The following TGFBR2 variants were observed in gnomAD, a reference collection of about 807,000 sequenced individuals.
TGFBR2 encodes TGF-beta receptor type-2.
In TGFBR2, 18 loss-of-function variants were observed where a neutral mutation model predicts 49.0. The ratio of observed to expected loss-of-function variants is 0.37; its 90% CI spans 0.25 to 0.54. The LOEUF is 0.54. TGFBR2 is among the 20% of genes least tolerant of loss of function. TGFBR2 has a pLI of 0.85. For synonymous variants in TGFBR2, 282 were observed against 275.9 expected (o/e 1.02, Z -0.22); for missense variants, 525 against 722.6 (o/e 0.73, Z 3.13).
intron 1 of TGFBR2, chr3:30,626,739 A>G (rs1039151625): frequency 6.6e-6 from 1 of 152,338 alleles, no homozygotes; most frequent in African/African-American, 2.4e-5. Flanking sequence ...CATCACGTAA[A>G]CCTCACAGCC....
chr3:30,614,999 A>G (rs764985085), intron 1 of TGFBR2, among the ~76,000 whole-genome samples: 6 of 152,230 alleles, frequency 3.9e-5, no homozygotes, highest in Admixed American at 3.3e-4. Context: ...TTAGTGTAAT[A>G]AAATAACACT....
intron 5 of TGFBR2, among the ~76,000 whole-genome samples, chr3:30,675,822 A>T (rs1031474426): frequency 6.6e-6 from 1 of 152,238 alleles, no homozygotes. Flanking sequence ...TATGGCTATC[A>T]AAAACAGCAA....
chr3:30,672,089 G>GA lies in TGFBR2; in HGVS notation c.908dup (p.Asn303LysfsTer9). On this transcript the variant is annotated frameshift_variant, in exon 4 of 7. Coordinates refer to ENST00000295754, the MANE Select transcript of TGFBR2 (RefSeq NM_003242.6). LOFTEE classifies it high-confidence loss of function. The surrounding 1 kb of genome is among the most constrained non-coding windows in gnomAD (Gnocchi z 4.5). Reference sequence around the variant, plus strand: ...TCTCAGACATCAATCTGAAGCATGAGAACATACTCCAGTTCCTGACGGCTG... The same window carrying GA: ...TCTCAGACATCAATCTGAAGCATGAGAAACATACTCCAGTTCCTGACGGCTG... The GA allele has an allele frequency of 6.2e-7, 1 of 1,614,210 alleles. No individual in the cohort carries two copies. Among genetic ancestry groups the GA allele is most frequent in the Non-Finnish European group, 8.5e-7 (1 of 1,180,028 alleles).
rs991169798 is a variant in TGFBR2 at position 30,692,446 on chromosome 3, C to T, written c.*847C>T. 4.3e-6 allele frequency: 1 copy of T among 232,140 alleles called. No individual in the cohort carries two copies. The highest frequency in any genetic ancestry group is 8.5e-6 in the Non-Finnish European group (1 of 117,330). 14.4% of individuals were successfully genotyped at this position (232,140 alleles called of 1,614,324 possible). On this transcript the variant is annotated 3_prime_UTR_variant, in exon 7 of 7. Transcript: ENST00000295754. The stretch of plus-strand genomic sequence containing the variant: ...GTTGCAGAAAAATCAGAACAGATGT[C>T]CCCATCCATGCGATTGCCCCACCAT...
intron 1 of TGFBR2, among the ~76,000 whole-genome samples, chr3:30,630,679 G>A (rs1698418319): frequency 6.6e-6 from 1 of 152,134 alleles, no homozygotes; most frequent in African/African-American, 2.4e-5. Flanking sequence ...CCATTGTGGT[G>A]GTATCAAGAG....
chr3:30,615,829 T>A (rs1341013174), intron 1 of TGFBR2, among the ~76,000 whole-genome samples: 2 of 151,896 alleles, frequency 1.3e-5, no homozygotes, highest in Admixed American at 6.6e-5. Context: ...AGCCTTGGAG[T>A]CCTAGGTTCA....
Position 30,648,451 on chromosome 3 carries a change from CA to C in TGFBR2, c.264-1818del, listed in dbSNP as rs1245778030. On this transcript the variant is annotated intron_variant, in intron 2 of 6. Transcript: ENST00000295754. The stretch of plus-strand genomic sequence containing the variant: ...ACACACACACACACACACACACACA[CA>C]CACACACACAAAACTGTGGGGGCAG... Among the ~76,000 whole-genome samples the C allele has an allele frequency of 1.6e-4, 21 of 131,924 alleles. 2 individuals carry two copies. The highest frequency in any genetic ancestry group is 4.8e-4 in the South Asian group (2 of 4,210). The allele number at this position is 131,924 out of a possible 152,430, so 86.5% of individuals were successfully genotyped here.
At chr3:30,630,135 A>T (rs1698409512) in intron 1 of TGFBR2, among the ~76,000 whole-genome samples, 1 of 152,178 alleles carries the variant, frequency 6.6e-6, no homozygotes, top group Non-Finnish European at 1.5e-5. Context: ...TTATGCTAAG[A>T]TGGATAAAAG....
rs1697923502 is a variant in TGFBR2 at position 30,606,636 on chromosome 3, G to A, written c.-248G>A. The A allele has an allele frequency of 2.7e-6, 1 of 365,728 alleles. No individual in the cohort carries two copies. The highest frequency in any genetic ancestry group is 4.9e-6 in the Non-Finnish European group (1 of 203,798). The allele number at this position is 365,728 out of a possible 1,614,324, so 22.7% of individuals were successfully genotyped here. Reference sequence around the variant, plus strand: ...ACGGAGCGACGACACCCCCGCGCGTGCACCCGCTCGGGACAGGAGCCGGAC... The same window carrying A: ...ACGGAGCGACGACACCCCCGCGCGTACACCCGCTCGGGACAGGAGCCGGAC... On this transcript the variant is annotated 5_prime_UTR_variant, in exon 1 of 7. Transcript: ENST00000295754.
At chr3:30,670,144 T>C (rs1247366081) in intron 3 of TGFBR2, among the ~76,000 whole-genome samples, 1 of 152,180 alleles carries the variant, frequency 6.6e-6, no homozygotes, top group Non-Finnish European at 1.5e-5. Context: ...CTTCCTTAAG[T>C]AGATCATATA....
At chr3:30,633,729 G>C (rs1404853462) in intron 1 of TGFBR2, among the ~76,000 whole-genome samples, 1 of 152,136 alleles carries the variant, frequency 6.6e-6, no homozygotes, top group African/African-American at 2.4e-5. Context: ...TCTTTAAGTG[G>C]AATTAGAAAA....
chr3:30,661,632 G>A (rs566555251), intron 3 of TGFBR2: 2 of 510,936 alleles, frequency 3.9e-6, no homozygotes, highest in Admixed American at 2.0e-5. Flanking sequence ...AGACCCCAGG[G>A]TTTAGAGGTG....
intron 1 of TGFBR2, among the ~76,000 whole-genome samples, chr3:30,617,185 T>G (rs904893902): frequency 1.2e-4 from 19 of 152,230 alleles, no homozygotes; most frequent in Non-Finnish European, 2.1e-4. Context: ...AGACAGAATT[T>G]GCAACAGATT....
chr3:30,630,449 T>C (rs1698414281), intron 1 of TGFBR2, among the ~76,000 whole-genome samples: 1 of 152,226 alleles, frequency 6.6e-6, no homozygotes, highest in African/African-American at 2.4e-5. Context: ...TCATTCCCCA[T>C]GGATGGAAGG....
chr3:30,630,092 G>A (rs17025788), intron 1 of TGFBR2, among the ~76,000 whole-genome samples: 1 of 152,072 alleles, frequency 6.6e-6, no homozygotes, highest in Non-Finnish European at 1.5e-5. Context: ...GAAATTGAGC[G>A]AGTTCACAAC....
At chr3:30,669,167 C>A (rs1349085651) in intron 3 of TGFBR2, among the ~76,000 whole-genome samples, 1 of 138,472 alleles carries the variant, frequency 7.2e-6, no homozygotes, top group Non-Finnish European at 1.5e-5. Context: ...GGCATAGAGG[C>A]TAAGGCAGGA....
chr3:30,617,791 T>A (rs569038451), intron 1 of TGFBR2, among the ~76,000 whole-genome samples: 1 of 152,324 alleles, frequency 6.6e-6, no homozygotes, highest in African/African-American at 2.4e-5. Context: ...ACTGAGAATT[T>A]ATTGGAAATG....
chr3:30,670,415 A>T (rs1226227863), intron 3 of TGFBR2, among the ~76,000 whole-genome samples: 2 of 152,192 alleles, frequency 1.3e-5, no homozygotes, highest in Non-Finnish European at 2.9e-5. Context: ...CTCAGTAGTG[A>T]TATATTTAAT....
In TGFBR2 at chr3:30,692,077, A is replaced by G; in HGVS notation, c.*478A>G. 3 of 226,030 alleles carry G rather than the reference A, an allele frequency of 1.3e-5. No homozygotes were observed. The highest frequency in any genetic ancestry group is 2.6e-5 in the Non-Finnish European group (3 of 113,404). 14.0% of individuals were successfully genotyped at this position (226,030 alleles called of 1,614,324 possible). A position where few individuals can be genotyped will look rare whatever the true frequency, so the allele number is the denominator to read the frequency against. On this transcript the variant is annotated 3_prime_UTR_variant, in exon 7 of 7. Coordinates refer to ENST00000295754, the MANE Select transcript of TGFBR2 (RefSeq NM_003242.6). The stretch of plus-strand genomic sequence containing the variant: ...CCCATGACAGCATTAGCATTTGACA[A>G]TCACACATGCAGTGGTTCTCTGACT...
Sources: allele counts gnomAD v4.1 joint callset (sites outside exome capture counted in the v4.1 genomes callset), GRCh38; gene constraint gnomAD v4.1.1; non-coding constraint Gnocchi (gnomAD v3.1); transcripts MANE v1.5; gene names NCBI Gene and HGNC (gene_info 2026-07-23, HGNC 2026-07-21).